EIF2B3: variants seen among roughly 807,000 people sequenced by gnomAD.
The protein encoded by EIF2B3 is eukaryotic translation initiation factor 2B subunit gamma, also known as translation initiation factor eIF2B subunit gamma.
EIF2B3 carries 20 observed loss-of-function variants against 54.1 expected under a neutral mutation model. The ratio of observed to expected loss-of-function variants is 0.37; its 90% CI spans 0.26 to 0.54. EIF2B3 has a LOEUF of 0.54. Among genes scored for constraint, EIF2B3 ranks in the 20% least tolerant of loss-of-function variants. EIF2B3 has a pLI of 0.86. For missense variants in EIF2B3, 448 were observed against 547.8 expected, an observed-to-expected ratio of 0.82 and a Z score of 1.82; for synonymous variants, 153 against 188.1, an observed-to-expected ratio of 0.81 and a Z score of 1.52.
At chr1:44,913,381 G>A (rs1643554810) in intron 5 of EIF2B3, among the ~76,000 whole-genome samples, 2 of 151,704 alleles carry the variant, frequency 1.3e-5, no homozygotes, top group Admixed American at 1.3e-4. Context: ...ACCACTGTAA[G>A]AAACAAGCTG....
In EIF2B3 at chr1:44,857,749, T is replaced by C. The variant is rs751561316; in HGVS notation, c.1261A>G (p.Ile421Val). Residue 421 changes from isoleucine (I) to valine (V), a missense_variant, in exon 11 of 12, where the codon ATC becomes GTC. Physicochemically the swap from Ile to Val is conservative, Grantham distance 29. Coordinates refer to ENST00000360403, the MANE Select transcript of EIF2B3 (RefSeq NM_020365.5). Reference protein sequence around the residue: ...NNAVIEKGADIKDCLIGSGQR... With the variant: ...NNAVIEKGADVKDCLIGSGQR... The stretch of plus-strand genomic sequence containing the variant: ...CCACTTCCAATCAAGCAGTCCTTGA[T>C]GTCTGCACCCTTCTCGATCACAGCA... The C allele has an allele frequency of 1.2e-6, 2 of 1,614,200 alleles. No homozygotes were observed. The highest frequency in any genetic ancestry group is 2.2e-5 in the East Asian group (1 of 44,884).
intron 4 of EIF2B3, among the ~76,000 whole-genome samples, chr1:44,929,267 T>C (rs1643877497): frequency 6.6e-6 from 1 of 152,224 alleles, no homozygotes; most frequent in South Asian, 2.1e-4. Context: ...TGCTTCCTAC[T>C]GACAGACAAT....
chr1:44,942,707 C>T (rs1455479349), intron 3 of EIF2B3, among the ~76,000 whole-genome samples: 1 of 150,856 alleles, frequency 6.6e-6, no homozygotes, highest in Non-Finnish European at 1.5e-5. Flanking sequence ...GGATTATAGG[C>T]ATGAGCTACC....
At chr1:44,857,961 G>C (rs1215566569) in intron 10 of EIF2B3, among the ~76,000 whole-genome samples, 154 bp from the exon 11 acceptor site, 2 of 152,136 alleles carry the variant, frequency 1.3e-5, no homozygotes, top group Non-Finnish European at 2.9e-5. Flanking sequence ...AAGACAGAAT[G>C]GTAAGCCAAG....
chr1:44,906,346 G>C (rs1643409905), intron 5 of EIF2B3, among the ~76,000 whole-genome samples: 1 of 152,212 alleles, frequency 6.6e-6, no homozygotes, highest in Non-Finnish European at 1.5e-5. Flanking sequence ...CAAAGGTTCA[G>C]TGAAGGATCA....
chr1:44,938,282 A>G (rs1056300065), intron 4 of EIF2B3, among the ~76,000 whole-genome samples: 2 of 152,196 alleles, frequency 1.3e-5, no homozygotes, highest in Non-Finnish European at 2.9e-5. Flanking sequence ...TTAAAACTCA[A>G]TTATTTAGGT....
At chr1:44,964,383 G>T (rs1001163966) in intron 3 of EIF2B3, among the ~76,000 whole-genome samples, 1 of 152,238 alleles carries the variant, frequency 6.6e-6, no homozygotes, top group South Asian at 2.1e-4. Flanking sequence ...CAAGATGATA[G>T]AAATCTGACA....
At chr1:44,938,026 G>A (rs962198421) in intron 4 of EIF2B3, among the ~76,000 whole-genome samples, 1 of 151,732 alleles carries the variant, frequency 6.6e-6, no homozygotes, top group African/African-American at 2.4e-5. Flanking sequence ...AAAGTGCAAG[G>A]GGAAGAAAGG....
chr1:44,873,614 T>TG (rs931438081), intron 10 of EIF2B3, among the ~76,000 whole-genome samples: 1 of 152,122 alleles, frequency 6.6e-6, no homozygotes, highest in African/African-American at 2.4e-5. Flanking sequence ...CTGAAATACT[T>TG]GGGACCAGAA....
At chr1:44,909,027 G>T (rs1462446546) in intron 5 of EIF2B3, among the ~76,000 whole-genome samples, 1 of 152,132 alleles carries the variant, frequency 6.6e-6, no homozygotes, top group Non-Finnish European at 1.5e-5. Context: ...TAAGATAGGA[G>T]CCATGAATTT....
chr1:44,925,601 A>G (rs1035290168), intron 5 of EIF2B3, among the ~76,000 whole-genome samples: 4 of 152,180 alleles, frequency 2.6e-5, no homozygotes, highest in Non-Finnish European at 5.9e-5. Flanking sequence ...CAATGTGAAC[A>G]CATTTAACAC....
At chr1:44,951,694 C>T (rs1239560924) in intron 3 of EIF2B3, among the ~76,000 whole-genome samples, 1 of 152,104 alleles carries the variant, frequency 6.6e-6, no homozygotes, top group Non-Finnish European at 1.5e-5. Flanking sequence ...TCACACTGTC[C>T]AGCAATACAT....
chr1:44,850,913 T>C lies in EIF2B3; in HGVS notation c.*38A>G. On this transcript the variant is annotated 3_prime_UTR_variant, in exon 12 of 12. Coordinates refer to ENST00000360403, the MANE Select transcript of EIF2B3 (RefSeq NM_020365.5). ...GGTGGGCCGGCCAACATCTGTGGCT[T>C]TGGAGGCCAAAAGGAAGGAGTCTGA... The C allele has an allele frequency of 6.2e-7, 1 of 1,612,982 alleles. No individual in the cohort carries two copies. Among genetic ancestry groups the C allele is most frequent in the South Asian group, 1.1e-5 (1 of 91,060 alleles).
chr1:44,944,034 C>T (rs1644068722), intron 3 of EIF2B3, among the ~76,000 whole-genome samples: 1 of 152,068 alleles, frequency 6.6e-6, no homozygotes, highest in African/African-American at 2.4e-5. Flanking sequence ...GTCCCAGCTA[C>T]TCGGGAGGCT....
At chr1:44,893,063 T>C (rs1655854126) in intron 6 of EIF2B3, among the ~76,000 whole-genome samples, 1 of 152,160 alleles carries the variant, frequency 6.6e-6, no homozygotes, top group Non-Finnish European at 1.5e-5. Flanking sequence ...TTTTTTAATT[T>C]TTAACTTTCT....
intron 6 of EIF2B3, among the ~76,000 whole-genome samples, chr1:44,889,393 C>T (rs927437406): frequency 9.9e-5 from 15 of 151,664 alleles, no homozygotes; most frequent in South Asian, 6.2e-4. Flanking sequence ...AAACACCGGC[C>T]GGGTGTGGTG....
chr1:44,918,380 C>G (rs1643671625), intron 5 of EIF2B3, among the ~76,000 whole-genome samples: 1 of 151,708 alleles, frequency 6.6e-6, no homozygotes, highest in African/African-American at 2.4e-5. Flanking sequence ...CTGTGCCCAG[C>G]AATAGCATAG....
At chr1:44,958,625 A>C in intron 3 of EIF2B3, 3 of 1,539,230 alleles carry the variant, frequency 1.9e-6, no homozygotes, top group South Asian at 2.2e-5. Context: ...ATGGCTATGC[A>C]TGGGTCACTG....
intron 3 of EIF2B3, among the ~76,000 whole-genome samples, chr1:44,956,186 A>T (rs1342000592): frequency 6.6e-6 from 1 of 152,200 alleles, no homozygotes; most frequent in African/African-American, 2.4e-5. Context: ...ATGCAGCCAT[A>T]AAAAAGGATG....
Sources: allele counts gnomAD v4.1 joint callset (sites outside exome capture counted in the v4.1 genomes callset), GRCh38; gene constraint gnomAD v4.1.1; transcripts MANE v1.5; gene names NCBI Gene and HGNC (gene_info 2026-07-23, HGNC 2026-07-21).